The following ZC3HC1 variants were observed in gnomAD, a reference collection of about 807,000 sequenced individuals.
The protein encoded by ZC3HC1 is zinc finger C3HC-type containing 1.
In ZC3HC1, 38 loss-of-function variants were observed where a neutral mutation model predicts 61.9. The ratio of observed to expected loss-of-function variants is 0.61; its 90% CI spans 0.47 to 0.81. The LOEUF (loss-of-function observed/expected upper bound fraction) is 0.81. ZC3HC1 is among the 30% of genes least tolerant of loss of function. The pLI, the probability that ZC3HC1 is intolerant of heterozygous loss-of-function variation, is 0.00. For missense variants in ZC3HC1, 554 were observed against 622.7 expected (o/e 0.89, Z 1.17); for synonymous variants, 213 against 229.9 (o/e 0.93, Z 0.67).
Position 130,023,369 on chromosome 7 carries a change from G to T in ZC3HC1, c.1233+142C>A. On this transcript the variant is annotated intron_variant, in intron 8 of 9. Coordinates refer to ENST00000358303, the MANE Select transcript of ZC3HC1 (RefSeq NM_016478.5). The surrounding 1 kb of genome is among the most constrained non-coding windows in gnomAD (Gnocchi z 4.2). ...ACATGACTGACATTTTTTCCCTTTG[G>T]TCATCCAACTTTAAATTTATTCACA... 1 of 792,184 alleles carries T rather than the reference G, an allele frequency of 1.3e-6. No homozygotes were observed. The highest frequency in any genetic ancestry group is 2.0e-6 in the Non-Finnish European group (1 of 501,722). 49.1% of individuals were successfully genotyped at this position (792,184 alleles called of 1,614,324 possible).
intron 4 of ZC3HC1, among the ~76,000 whole-genome samples, chr7:130,034,243 T>G (rs2116719456): frequency 6.6e-6 from 1 of 151,006 alleles, no homozygotes; most frequent in East Asian, 1.9e-4. Flanking sequence ...CCCAGCACTT[T>G]GGGAGGCCGA....
intron 4 of ZC3HC1, among the ~76,000 whole-genome samples, chr7:130,037,548 G>A (rs1794475689): frequency 2.0e-5 from 3 of 152,064 alleles, no homozygotes. Flanking sequence ...ATACAATACA[G>A]GTAAATAACT....
intron 1 of ZC3HC1, among the ~76,000 whole-genome samples, chr7:130,049,741 G>C (rs1158636746): frequency 6.6e-6 from 1 of 151,764 alleles, no homozygotes; most frequent in African/African-American, 2.4e-5. Flanking sequence ...TAGGACAGAC[G>C]GGGTTTCACC....
chr7:130,048,860 A>G, intron 2 of ZC3HC1, 173 bp downstream of exon 2: 2 of 432,492 alleles, frequency 4.6e-6, no homozygotes, highest in Non-Finnish European at 7.9e-6. Flanking sequence ...AAAAGGTTAG[A>G]TAACCTCAAC....
At chr7:130,044,775 G>A (rs755787162) in intron 2 of ZC3HC1, among the ~76,000 whole-genome samples, 23 of 152,156 alleles carry the variant, frequency 1.5e-4, no homozygotes, top group Non-Finnish European at 2.6e-4. Context: ...TCACCATAAA[G>A]GGATAAATAG....
rs750360114 is a variant in ZC3HC1 at position 130,029,046 on chromosome 7, T to C, written c.494-17A>G. ...CAAATCGGTCTGTGGAAAAAGTAAA[T>C]TGGAAGATTATATTGGTGTAAACTG... is the stretch of plus-strand genomic sequence containing the variant. On this transcript the variant is annotated splice_polypyrimidine_tract_variant and intron_variant, in intron 4 of 9. Transcript: ENST00000358303. 1.2e-6 allele frequency: 2 copies of C among 1,608,306 alleles called. No individual in the cohort carries two copies. Among genetic ancestry groups the C allele is most frequent in the African/African-American group, 1.3e-5 (1 of 74,800 alleles).
intron 2 of ZC3HC1, 27 bp from the exon 3 acceptor site, chr7:130,041,128 G>A (rs765497188): frequency 2.0e-5 from 32 of 1,587,020 alleles, no homozygotes; most frequent in East Asian, 1.1e-4. Context: ...AAACAACACA[G>A]CAAATATATA....
chr7:130,023,720 C>T lies in ZC3HC1; in HGVS notation c.1024G>A (p.Glu342Lys), dbSNP rs1449525533. 2 of 1,613,160 alleles carry T rather than the reference C, an allele frequency of 1.2e-6. No individual in the cohort carries two copies. Among genetic ancestry groups the T allele is most frequent in the Non-Finnish European group, 1.7e-6 (2 of 1,179,450 alleles). ...GAGACAATGGGACCAGGGCTCTTTT[C>T]AGCCTGAAGGAAAGGGGAGATAATG... is the stretch of plus-strand genomic sequence containing the variant. ...ATFSPGSEQA[E>K]KSPGPIVSRT... The change falls in exon 8 of 10, where the codon GAA (glutamate) becomes AAA (lysine). Residue 342 changes from glutamate (E) to lysine (K), a missense_variant. Physicochemically the swap from Glu to Lys is moderately conservative, Grantham distance 56. Transcript: ENST00000358303. The surrounding 1 kb of genome is among the most constrained non-coding windows in gnomAD (Gnocchi z 4.2).
intron 2 of ZC3HC1, among the ~76,000 whole-genome samples, chr7:130,046,850 TGGTCTC>T (rs1338908060): frequency 6.6e-6 from 1 of 152,122 alleles, no homozygotes; most frequent in African/African-American, 2.4e-5. Context: ...TGCAGTGGCA[TGGTCTC>T]GGCTCACTGC....
intron 9 of ZC3HC1, among the ~76,000 whole-genome samples, chr7:130,021,468 A>G (rs1486783834): frequency 6.6e-6 from 1 of 152,206 alleles, no homozygotes; most frequent in Non-Finnish European, 1.5e-5. Flanking sequence ...CAGAGCAAAC[A>G]CTTGACTTTT....
chr7:130,050,538 G>A (rs1378690896), intron 1 of ZC3HC1: 2 of 1,416,168 alleles, frequency 1.4e-6, no homozygotes, highest in Non-Finnish European at 1.8e-6. Context: ...GGGTAAAAAT[G>A]ACATTTATTT....
At position 130,023,681 on chromosome 7, in the gene ZC3HC1, A is replaced by T; in HGVS notation, c.1063T>A (p.Trp355Arg). 6.2e-7 allele frequency: 1 copy of T among 1,614,232 alleles called. No individual in the cohort carries two copies. The highest frequency in any genetic ancestry group is 8.5e-7 in the Non-Finnish European group (1 of 1,180,038). ...PGPIVSRTRS[W>R]DSSSPVDRPE... ...CGGTCAACAGGACTGGAAGAGTCCC[A>T]GCTCCGAGTTCGAGAGACAATGGGA... Residue 355 changes from tryptophan to arginine, a missense_variant, in exon 8 of 10, where the codon TGG (tryptophan) becomes AGG (arginine). Coordinates refer to ENST00000358303, the MANE Select transcript of ZC3HC1 (RefSeq NM_016478.5). This position sits in a 1 kb window ranked among gnomAD's most constrained non-coding sequence, Gnocchi z 4.2.
chr7:130,032,785 GGGAGGGAAGGAAAGGA>G (rs1794271589), intron 4 of ZC3HC1, among the ~76,000 whole-genome samples: 1 of 124,294 alleles, frequency 8.0e-6, no homozygotes, highest in Admixed American at 8.2e-5. Context: ...AGGGAGGGAG[GGGAGGGAAGGAAAGGA>G]AGGGAAGGAA....
intron 4 of ZC3HC1, among the ~76,000 whole-genome samples, chr7:130,035,996 A>G (rs1794416905): frequency 6.6e-6 from 1 of 152,184 alleles, no homozygotes; most frequent in Non-Finnish European, 1.5e-5. Flanking sequence ...TTTGGAAGGA[A>G]GGAGTCTGCC....
rs75240976 is a variant in ZC3HC1, at chr7:130,030,075, T to C, written c.494-1046A>G. Among the ~76,000 whole-genome samples the C allele has an allele frequency of 7.3e-3, 1,118 of 152,300 alleles. 13 individuals are homozygous for C. Among genetic ancestry groups the C allele is most frequent in the African/African-American group, 0.025 (1,041 of 41,562 alleles). On this transcript the variant is annotated intron_variant, in intron 4 of 9. Coordinates refer to ENST00000358303, the MANE Select transcript of ZC3HC1 (RefSeq NM_016478.5). ...CTCTGGCATTACCCAATTCATCTAC[T>C]GCATACTTGGTACACTGGTACAAAG...
At chr7:130,039,991 A>G (rs969709224) in intron 3 of ZC3HC1, among the ~76,000 whole-genome samples, 6 of 151,358 alleles carry the variant, frequency 4.0e-5, no homozygotes, top group Admixed American at 6.6e-5. Flanking sequence ...AAATGCTGGG[A>G]TTACACACGT....
chr7:130,045,654 C>T (rs146133829), intron 2 of ZC3HC1, among the ~76,000 whole-genome samples: 290 of 152,152 alleles, frequency 1.9e-3, no homozygotes, highest in African/African-American at 6.6e-3. Flanking sequence ...GTAATCCCAG[C>T]ACTTTGGGAG....
rs758848972 is a variant in ZC3HC1, at chr7:130,023,989, G to A, written c.1021-266C>T. On this transcript the variant is annotated intron_variant, in intron 7 of 9. Transcript: ENST00000358303. The surrounding 1 kb of genome is among the most constrained non-coding windows in gnomAD (Gnocchi z 4.2). Reference sequence around the variant, plus strand: ...TAATTTTTGCATTTTTGGTAGAGACGGGGTTTCACCATGTTGGCCAGGCTG... The same window carrying A: ...TAATTTTTGCATTTTTGGTAGAGACAGGGTTTCACCATGTTGGCCAGGCTG... Among the ~76,000 whole-genome samples, 5 of 151,864 alleles carry A rather than the reference G, an allele frequency of 3.3e-5. No homozygotes were observed. Among genetic ancestry groups the A allele is most frequent in the African/African-American group, 9.7e-5 (4 of 41,350 alleles).
At chr7:130,021,722 T>C (rs1392741694) in intron 9 of ZC3HC1, among the ~76,000 whole-genome samples, 1 of 152,192 alleles carries the variant, frequency 6.6e-6, no homozygotes, top group African/African-American at 2.4e-5. Context: ...CAGCTGCCTG[T>C]TCATCTATTT....
Sources: gnomAD v4.1 joint callset for allele counts (sites outside exome capture counted in the v4.1 genomes callset) on GRCh38, gnomAD v4.1.1 for gene constraint, Gnocchi (gnomAD v3.1) non-coding constraint, MANE v1.5 for transcripts, NCBI Gene and HGNC (gene_info 2026-07-23, HGNC 2026-07-21) for gene names.